The following ABCA3 variants were observed in gnomAD, a reference collection of about 807,000 sequenced individuals.
ABCA3 encodes the protein phospholipid-transporting ATPase ABCA3.
In ABCA3, 88 loss-of-function variants were observed where a neutral mutation model predicts 172.8. The observed-to-expected ratio is 0.51, with a 90% CI of 0.43 to 0.61. The LOEUF (loss-of-function observed/expected upper bound fraction) is 0.61, where lower values mean the gene tolerates loss of function less well. Ranked by LOEUF, ABCA3 falls within the 20% of genes least tolerant of loss-of-function variation. The pLI is 0.00. For synonymous variants in ABCA3, 1,066 were observed against 983.8 expected (o/e 1.08, Z -1.56); for missense variants, 2,164 against 2,301.0 (o/e 0.94, Z 1.22).
Position 2,277,065 on chromosome 16 carries a change from C to T in ABCA3, c.4984-260G>A, listed in dbSNP as rs1190042361. On this transcript the variant is annotated intron_variant, in intron 32 of 32. Coordinates refer to ENST00000301732, the MANE Select transcript of ABCA3 (RefSeq NM_001089.3). The surrounding 1 kb of genome is among the most constrained non-coding windows in gnomAD (Gnocchi z 5.3). ...CCCAGCTCAGATTACAACCTTGAGC[C>T]AGTGATGTTCCCTTTCTGAGCCAGT... Among the ~76,000 whole-genome samples, 1 of 152,184 alleles carries T rather than the reference C, an allele frequency of 6.6e-6. No homozygotes were observed. Among genetic ancestry groups the T allele is most frequent in the Non-Finnish European group, 1.5e-5 (1 of 68,044 alleles).
At chr16:2,315,547 C>G (rs1268732836) in intron 10 of ABCA3, among the ~76,000 whole-genome samples, 2 of 146,158 alleles carry the variant, frequency 1.4e-5, no homozygotes, top group Non-Finnish European at 3.0e-5. Context: ...AAGAACTACT[C>G]AAAGATGTGC....
chr16:2,309,919 C>T (rs1418886194), intron 10 of ABCA3, among the ~76,000 whole-genome samples: 1 of 152,094 alleles, frequency 6.6e-6, no homozygotes, highest in African/African-American at 2.4e-5. Flanking sequence ...CGTGCCCAGC[C>T]ATCAAAATCT....
chr16:2,286,219 G>A lies in ABCA3; in HGVS notation c.3278+475C>T, dbSNP rs1469189521. On this transcript the variant is annotated intron_variant, in intron 22 of 32. Transcript: ENST00000301732. This position sits in a 1 kb window ranked among gnomAD's most constrained non-coding sequence, Gnocchi z 5.2. ...TCCTCTGGGTGGTTCCAGGAGCTCT[G>A]GGGGCTCTGTGGCCGGCATAGGGGG... Among the ~76,000 whole-genome samples the A allele has an allele frequency of 6.6e-6, 1 of 152,222 alleles. No individual in the cohort carries two copies. Among genetic ancestry groups the A allele is most frequent in the African/African-American group, 2.4e-5 (1 of 41,464 alleles).
rs538910072 is a variant in ABCA3 at position 2,276,094 on chromosome 16, C to T, written c.*580G>A. ...TGCTGTGGGACGGTGCCCGGCTTCG[C>T]GGTGACTACCATGCCCTAAGGAGCA... is the stretch of plus-strand genomic sequence containing the variant. On this transcript the variant is annotated 3_prime_UTR_variant, in exon 33 of 33. Coordinates refer to ENST00000301732, the MANE Select transcript of ABCA3 (RefSeq NM_001089.3). The T allele has an allele frequency of 1.3e-5, 4 of 311,274 alleles. No homozygotes were observed. The highest frequency in any genetic ancestry group is 1.0e-4 in the East Asian group (1 of 10,022). 19.3% of individuals were successfully genotyped at this position (311,274 alleles called of 1,614,324 possible). A position where few individuals can be genotyped will look rare whatever the true frequency, so the allele number is the denominator to read the frequency against.
Position 2,330,799 on chromosome 16 carries a change from C to G in ABCA3, c.-538-945G>C, listed in dbSNP as rs2093741970. On this transcript the variant is annotated intron_variant, in intron 1 of 32. Coordinates refer to ENST00000301732, the MANE Select transcript of ABCA3 (RefSeq NM_001089.3). Reference sequence around the variant, plus strand: ...CTGCAAACTCCGCCTCCCAGGTTCACGCCATTCTCCTGCCTCAGCCTCCCG... The same window carrying G: ...CTGCAAACTCCGCCTCCCAGGTTCAGGCCATTCTCCTGCCTCAGCCTCCCG... Among the ~76,000 whole-genome samples, 3 of 149,788 alleles carry G rather than the reference C, an allele frequency of 2.0e-5. No individual in the cohort carries two copies. In the South Asian group the frequency reaches 6.4e-4, roughly 32 times the overall value.
intron 14 of ABCA3, among the ~76,000 whole-genome samples, chr16:2,298,767 G>A (rs1276294303): frequency 1.3e-5 from 2 of 152,122 alleles, no homozygotes; most frequent in Non-Finnish European, 2.9e-5. Flanking sequence ...TGGTCAGGGA[G>A]GAGAAACCCA....
At position 2,298,315 on chromosome 16, in the gene ABCA3, T is replaced by C. The variant is rs1260978335; in HGVS notation, c.1896+71A>G. ...GGCTCCCTTCCTCCAGTTTAGCTCCTCGGAAGACTGCCCCAGAAACTCGAG... is the reference window on the plus strand; with the variant it reads ...GGCTCCCTTCCTCCAGTTTAGCTCCCCGGAAGACTGCCCCAGAAACTCGAG... On this transcript the variant is annotated intron_variant, in intron 15 of 32. Transcript: ENST00000301732. 2.5e-6 allele frequency: 4 copies of C among 1,604,202 alleles called. No individual in the cohort carries two copies. In the African/African-American group the frequency reaches 5.4e-5, roughly 21 times the overall value.
Position 2,295,757 on chromosome 16 carries a change from C to T in ABCA3, c.2264-17G>A, listed in dbSNP as rs45538638. On this transcript the variant is annotated splice_polypyrimidine_tract_variant and intron_variant, in intron 17 of 32. Coordinates refer to ENST00000301732, the MANE Select transcript of ABCA3 (RefSeq NM_001089.3). ...AGCCGGCACCTGGAATACAGGGCCA[C>T]GTGTGAGATCTTTGGCTGATCCCCC... 44,030 of 1,613,648 alleles carry T rather than the reference C, an allele frequency of 0.027. 678 individuals are homozygous for T. The highest frequency in any genetic ancestry group is 0.057 in the Middle Eastern group (346 of 6,046).
At chr16:2,295,428 C>T (rs983793771) in intron 18 of ABCA3, among the ~76,000 whole-genome samples, 162 bp downstream of exon 18, 23 of 152,242 alleles carry the variant, frequency 1.5e-4, no homozygotes, top group African/African-American at 5.3e-4. Context: ...CCCAGCCAAG[C>T]AGATTCATCT....
intron 10 of ABCA3, among the ~76,000 whole-genome samples, chr16:2,309,129 G>T (rs976565487): frequency 2.0e-5 from 3 of 152,080 alleles, no homozygotes; most frequent in Non-Finnish European, 4.4e-5. Flanking sequence ...GTATTTTTTA[G>T]TAGAGATAGG....
intron 3 of ABCA3, 34 bp from the exon 4 acceptor site, chr16:2,326,526 C>T (rs189936261): frequency 1.1e-4 from 178 of 1,569,898 alleles, no homozygotes; most frequent in Admixed American, 3.0e-4. Flanking sequence ...AGTGTGGGTG[C>T]GCAATAGAAA....
chr16:2,301,013 G>T (rs576351121), intron 12 of ABCA3, among the ~76,000 whole-genome samples: 7 of 149,554 alleles, frequency 4.7e-5, no homozygotes, highest in Admixed American at 1.3e-4. Context: ...GGCGGATCAT[G>T]AGGTCAGGAG....
Position 2,300,042 on chromosome 16 carries a change from T to G in ABCA3, c.1574A>C (p.Asp525Ala). 1 of 1,613,174 alleles carries G rather than the reference T, an allele frequency of 6.2e-7. No individual in the cohort carries two copies. Among genetic ancestry groups the G allele is most frequent in the Admixed American group, 1.7e-5 (1 of 59,886 alleles). ...RNEYFEAEPEDLVAGIKIKHL... is the reference protein window; with the variant it reads ...RNEYFEAEPEALVAGIKIKHL... ...CTTGATCTTGATCCCCGCCACCAGG[T>G]CCTCTGGCTCGGCTTCAAAGTACTC... The change falls in exon 13 of 33, where the codon GAC (aspartate) becomes GCC (alanine). Residue 525 changes from aspartate to alanine, a missense_variant. Transcript: ENST00000301732.
chr16:2,282,539 A>G (rs1195402249), intron 26 of ABCA3, among the ~76,000 whole-genome samples: 1 of 152,188 alleles, frequency 6.6e-6, no homozygotes, highest in Non-Finnish European at 1.5e-5. Flanking sequence ...GGGGATGGAG[A>G]CCTGAGAAAA....
At position 2,319,575 on chromosome 16, in the gene ABCA3, A is replaced by G. The variant is rs759503240; in HGVS notation, c.873+6T>C. 1.9e-6 allele frequency: 3 copies of G among 1,610,188 alleles called. No individual in the cohort carries two copies. The highest frequency in any genetic ancestry group is 2.5e-6 in the Non-Finnish European group (3 of 1,179,900). On this transcript the variant is annotated splice_donor_region_variant and intron_variant, in intron 8 of 32. Coordinates refer to ENST00000301732, the MANE Select transcript of ABCA3 (RefSeq NM_001089.3). ...AGAGTGTTGGGGAGCCAAAGCGGGC[A>G]GTCACCTTCAGCCTCCTTTCCTTCT...
chr16:2,299,493 C>T lies in ABCA3; in HGVS notation c.1651G>A (p.Asp551Asn). 6.2e-7 allele frequency: 1 copy of T among 1,613,812 alleles called. No homozygotes were observed. Among genetic ancestry groups the T allele is most frequent in the Non-Finnish European group, 8.5e-7 (1 of 1,179,992 alleles). The part of the protein sequence containing the change: ...VGNKDRAAVR[D>N]LNLNLYEGQI... ...CCCTCGTACAGGTTGAGGTTCAGGT[C>T]TCTGACGGCCGCCCTGTCCTTATTT... Residue 551 changes from aspartate to asparagine, a missense_variant, in exon 14 of 33, where the codon GAC (aspartate) becomes AAC (asparagine). Coordinates refer to ENST00000301732, the MANE Select transcript of ABCA3 (RefSeq NM_001089.3).
At position 2,324,499 on chromosome 16, in the gene ABCA3, C is replaced by A. The variant is rs929553873; in HGVS notation, c.352G>T (p.Asp118Tyr). 2 of 1,611,078 alleles carry A rather than the reference C, an allele frequency of 1.2e-6. No individual in the cohort carries two copies. Among genetic ancestry groups the A allele is most frequent in the Non-Finnish European group, 8.5e-7 (1 of 1,179,962 alleles). The change falls in exon 6 of 33, where the codon GAC becomes TAC. Residue 118 changes from aspartate (D) to tyrosine (Y), a missense_variant. Asp to Tyr is a radical substitution (Grantham distance 160). Transcript: ENST00000301732. ...GAGCAGTTGTCGTACCTAATGTAGTCCTCAAAGTCCTTCTCGGAGGGAAAG... is the reference window on the plus strand; with the variant it reads ...GAGCAGTTGTCGTACCTAATGTAGTACTCAAAGTCCTTCTCGGAGGGAAAG... ...RGFPSEKDFEDYIRYDNCSSS... is the reference protein window; with the variant it reads ...RGFPSEKDFEYYIRYDNCSSS...
chr16:2,292,785 A>AAAC (rs1043645363), intron 18 of ABCA3, among the ~76,000 whole-genome samples: 4 of 151,544 alleles, frequency 2.6e-5, no homozygotes, highest in African/African-American at 7.3e-5. Flanking sequence ...ACAAAACAAC[A>AAAC]AACAACAACA....
chr16:2,295,797 C>T, intron 17 of ABCA3, 57 bp from the exon 18 acceptor site: 1 of 1,611,098 alleles, frequency 6.2e-7, no homozygotes, highest in East Asian at 2.2e-5. Flanking sequence ...CTCTTCATGC[C>T]CACCCCGGGG....
Sources: gnomAD v4.1 joint callset for allele counts (sites outside exome capture counted in the v4.1 genomes callset) on GRCh38, gnomAD v4.1.1 for gene constraint, Gnocchi (gnomAD v3.1) non-coding constraint, MANE v1.5 for transcripts, NCBI Gene and HGNC (gene_info 2026-07-23, HGNC 2026-07-21) for gene names.